Variants in CTIF observed in about 807,000 individuals in gnomAD.
The protein encoded by CTIF is cap binding complex dependent translation initiation factor, also known as CBP80/20-dependent translation initiation factor.
In CTIF, 21 loss-of-function variants were observed where a neutral mutation model predicts 66.0. The observed-to-expected ratio is 0.32, with a 90% CI of 0.23 to 0.46. CTIF has a LOEUF of 0.46. Among genes scored for constraint, CTIF ranks in the 20% least tolerant of loss-of-function variants. The probability of loss-of-function intolerance (pLI) is 1.00; values close to 1 mark genes in which losing one functional copy is unlikely to be tolerated. For missense variants in CTIF, 739 were observed against 812.7 expected (o/e 0.91, Z 1.10); for synonymous variants, 345 against 326.4 (o/e 1.06, Z -0.62).
chr18:48,648,489 G>A (rs62102955), intron 3 of CTIF, among the ~76,000 whole-genome samples: 31 of 63,008 alleles, frequency 4.9e-4, no homozygotes, highest in South Asian at 4.0e-3. Context: ...ACACACACAC[G>A]CACACACACA....
chr18:48,737,744 C>T (rs2092516663), intron 7 of CTIF, among the ~76,000 whole-genome samples: 1 of 152,062 alleles, frequency 6.6e-6, no homozygotes, highest in Non-Finnish European at 1.5e-5. Flanking sequence ...AAACATAAAA[C>T]CAGTAAAGTG....
intron 3 of CTIF, among the ~76,000 whole-genome samples, chr18:48,656,967 G>A (rs985821320): frequency 6.6e-6 from 1 of 152,220 alleles, no homozygotes; most frequent in African/African-American, 2.4e-5. Flanking sequence ...CTGAGTCTGT[G>A]CGAAGAAATA....
Position 48,592,515 on chromosome 18 carries a change from A to G in CTIF, c.-28-27023A>G, listed in dbSNP as rs1293123017. ...CCTGTCTCAAAAAAAAAAAAAAAAGAAAAAGAAAAAGAAAACAGCTCTCCC... is the reference window on the plus strand; with the variant it reads ...CCTGTCTCAAAAAAAAAAAAAAAAGGAAAAGAAAAAGAAAACAGCTCTCCC... On this transcript the variant is annotated intron_variant, in intron 1 of 11. Transcript: ENST00000256413. Among the ~76,000 whole-genome samples the G allele has an allele frequency of 4.8e-4, 64 of 133,354 alleles. 1 individual carries two copies. Among genetic ancestry groups the G allele is most frequent in the African/African-American group, 2.2e-3 (61 of 27,404 alleles). 87.5% of individuals were successfully genotyped at this position (133,354 alleles called of 152,430 possible).
At position 48,859,379 on chromosome 18, in the gene CTIF, G is replaced by A; in HGVS notation, c.1617G>A (p.Leu539=). The part of the protein sequence containing the change: ...QSTGRLLEEQ[L]PEMMTELLAS... ...CAGGCCGGCTGCTGGAGGAACAGCT[G>A]CCTGAGATGATGACAGAGCTCCTGG... Residue 539 remains leucine (L), a synonymous_variant, in exon 12 of 12, where the codon CTG becomes CTA. Coordinates refer to ENST00000256413, the MANE Select transcript of CTIF (RefSeq NM_014772.3). The A allele has an allele frequency of 6.2e-7, 1 of 1,614,132 alleles. No individual in the cohort carries two copies. Among genetic ancestry groups the A allele is most frequent in the Non-Finnish European group, 8.5e-7 (1 of 1,180,044 alleles).
At chr18:48,740,911 C>T (rs2092547608) in intron 7 of CTIF, among the ~76,000 whole-genome samples, 1 of 152,198 alleles carries the variant, frequency 6.6e-6, no homozygotes, top group Admixed American at 6.5e-5. Flanking sequence ...AATATAGCAT[C>T]GTGGTTAAGA....
intron 1 of CTIF, among the ~76,000 whole-genome samples, chr18:48,542,841 A>G (rs907908051): frequency 2.0e-5 from 3 of 152,206 alleles, no homozygotes; most frequent in South Asian, 2.1e-4. Context: ...GGGAGGGCCC[A>G]GAGGTATGTT....
chr18:48,714,748 G>C (rs2092263350), intron 7 of CTIF, among the ~76,000 whole-genome samples: 2 of 152,200 alleles, frequency 1.3e-5, no homozygotes, highest in African/African-American at 2.4e-5. Context: ...ACATGCCCTG[G>C]AATTAGGAGC....
At chr18:48,799,899 G>A (rs573510868) in intron 9 of CTIF, among the ~76,000 whole-genome samples, 5 of 152,354 alleles carry the variant, frequency 3.3e-5, no homozygotes, top group African/African-American at 4.8e-5. Flanking sequence ...ATCACTGAAC[G>A]CATAAGCTTA....
rs192673923 is a variant in CTIF at position 48,658,759 on chromosome 18, A to C, written c.253-4993A>C. ...ATATGCGGCCCTGTGGCATGTGTAC[A>C]TGTATGCATATGTGGCACTTGTATG... On this transcript the variant is annotated intron_variant, in intron 3 of 11. Coordinates refer to ENST00000256413, the MANE Select transcript of CTIF (RefSeq NM_014772.3). Among the ~76,000 whole-genome samples, 19 of 152,240 alleles carry C rather than the reference A, an allele frequency of 1.2e-4. 1 individual carries two copies. The highest frequency in any genetic ancestry group is 4.3e-4 in the African/African-American group (18 of 41,540).
At chr18:48,559,356 A>G (rs1196229300) in intron 1 of CTIF, among the ~76,000 whole-genome samples, 1 of 150,118 alleles carries the variant, frequency 6.7e-6, no homozygotes, top group African/African-American at 2.5e-5. Flanking sequence ...TAGTCCTACC[A>G]CCCCCCCCAA....
At chr18:48,696,296 A>C (rs2092007129) in intron 6 of CTIF, among the ~76,000 whole-genome samples, 1 of 152,116 alleles carries the variant, frequency 6.6e-6, no homozygotes, top group African/African-American at 2.4e-5. Flanking sequence ...AGACAGCACA[A>C]ATCTAGGGCA....
chr18:48,826,744 T>C (rs913275071), intron 10 of CTIF: 3 of 152,198 alleles, frequency 2.0e-5, no homozygotes, highest in African/African-American at 7.2e-5. Flanking sequence ...CAACAAGCAA[T>C]GATTTAGTTT....
At chr18:48,579,930 A>C (rs1599177004) in intron 1 of CTIF, among the ~76,000 whole-genome samples, 1 of 152,224 alleles carries the variant, frequency 6.6e-6, no homozygotes, top group Non-Finnish European at 1.5e-5. Context: ...TTCGTACAAA[A>C]AATGTTCACA....
intron 9 of CTIF, among the ~76,000 whole-genome samples, chr18:48,782,164 G>A (rs942564529): frequency 3.3e-5 from 5 of 151,952 alleles, no homozygotes; most frequent in Non-Finnish European, 5.9e-5. Context: ...ACCCAGGGCA[G>A]GCGTGGAGGG....
At chr18:48,728,739 T>TGA (rs138125305) in intron 7 of CTIF, among the ~76,000 whole-genome samples, 2,704 of 139,182 alleles carry the variant, frequency 0.019, 65 homozygotes, top group African/African-American at 0.055. Context: ...AGGGGGAGAG[T>TGA]GAGAGAGAGA....
intron 7 of CTIF, among the ~76,000 whole-genome samples, chr18:48,752,275 T>C (rs1907902354): frequency 1.3e-5 from 2 of 152,202 alleles, no homozygotes; most frequent in African/African-American, 4.8e-5. Flanking sequence ...TGATGCATGC[T>C]GGCCCTCTCC....
intron 10 of CTIF, among the ~76,000 whole-genome samples, chr18:48,833,388 G>A (rs975834003): frequency 2.0e-5 from 3 of 152,130 alleles, no homozygotes; most frequent in African/African-American, 7.2e-5. Flanking sequence ...ATGCGGAGAA[G>A]TGGATGAGTA....
chr18:48,841,246 C>T (rs901064692), intron 10 of CTIF, among the ~76,000 whole-genome samples: 1 of 152,206 alleles, frequency 6.6e-6, no homozygotes, highest in African/African-American at 2.4e-5. Context: ...TAATCTTGTG[C>T]CCAGTTGGTG....
intron 6 of CTIF, among the ~76,000 whole-genome samples, chr18:48,695,845 C>G (rs140668888): frequency 6.6e-6 from 1 of 152,196 alleles, no homozygotes; most frequent in African/African-American, 2.4e-5. Context: ...GCGTATTTAT[C>G]GGGCAGGACT....
Sources: gnomAD v4.1 joint callset for allele counts (sites outside exome capture counted in the v4.1 genomes callset) on GRCh38, gnomAD v4.1.1 for gene constraint, MANE v1.5 for transcripts, NCBI Gene and HGNC (gene_info 2026-07-23, HGNC 2026-07-21) for gene names.